USH2A: variants seen among roughly 807,000 people sequenced by gnomAD.
USH2A encodes the protein usherin.
Under a neutral mutation model 538.9 loss-of-function variants are expected in USH2A, and 443 were observed. The observed-to-expected ratio is 0.82, with a 90% CI of 0.76 to 0.89. The LOEUF is 0.89. USH2A is among the 40% of genes least tolerant of loss of function. The pLI is 0.00. For missense variants in USH2A, 6,633 were observed against 6,324.8 expected, an observed-to-expected ratio of 1.05 and a Z score of -1.65; for synonymous variants, 2,413 against 2,273.5, an observed-to-expected ratio of 1.06 and a Z score of -1.75.
intron 47 of USH2A, among the ~76,000 whole-genome samples, chr1:215,821,228 T>C (rs1418778040): frequency 6.6e-6 from 1 of 151,818 alleles, no homozygotes; most frequent in Non-Finnish European, 1.5e-5. Flanking sequence ...AGTTCCCCTT[T>C]CTCCACATCT....
intron 55 of USH2A, among the ~76,000 whole-genome samples, chr1:215,767,442 T>C (rs1661163785): frequency 6.6e-6 from 1 of 152,194 alleles, no homozygotes; most frequent in South Asian, 2.1e-4. Flanking sequence ...CACTTTTGTT[T>C]TTAAACCTTG....
In USH2A at chr1:215,674,258, G is replaced by T. The variant is rs1235765865; in HGVS notation, c.13653C>A (p.Asn4551Lys). 2 of 1,614,150 alleles carry T rather than the reference G, an allele frequency of 1.2e-6. No individual in the cohort carries two copies. The highest frequency in any genetic ancestry group is 1.7e-5 in the Admixed American group (1 of 60,014). ...CATTTGTTCTCACTGGAGGGTCCCA[G>T]TTCACTAAGATCTCCTGAGGACCCC... The part of the protein sequence containing the change: ...QARGPQEILV[N>K]WDPPVRTNGD... The change falls in exon 63 of 72, where the codon AAC (asparagine) becomes AAA (lysine). Residue 4551 changes from asparagine (N) to lysine (K), a missense_variant. Transcript: ENST00000307340.
intron 42 of USH2A, 64 bp from the exon 43 acceptor site, chr1:215,877,944 C>G (rs1448141263): frequency 6.2e-7 from 1 of 1,609,464 alleles, no homozygotes; most frequent in Admixed American, 1.7e-5. Context: ...TACCAAAACT[C>G]AGGCTGTTCT....
At chr1:216,073,075 A>G (rs1197241283) in intron 28 of USH2A, 22 bp downstream of exon 28, 1 of 1,613,740 alleles carries the variant, frequency 6.2e-7, no homozygotes, top group East Asian at 2.2e-5. Flanking sequence ...GTAACATTTA[A>G]TTTAGAGGAC....
chr1:215,856,919 A>G (rs1338196917), intron 44 of USH2A, among the ~76,000 whole-genome samples: 1 of 151,798 alleles, frequency 6.6e-6, no homozygotes, highest in Non-Finnish European at 1.5e-5. Context: ...ATTTGCAGAA[A>G]CCTTGATGGA....
intron 1 of USH2A, 28 bp from the exon 2 acceptor site, chr1:216,422,568 G>A (rs1571806316): frequency 1.9e-6 from 1 of 537,574 alleles, no homozygotes; most frequent in East Asian, 3.6e-5. Flanking sequence ...AGGGCGTCAA[G>A]GGAAAGCTGC....
At chr1:216,154,032 T>C (rs1387155802) in intron 21 of USH2A, among the ~76,000 whole-genome samples, 1 of 152,210 alleles carries the variant, frequency 6.6e-6, no homozygotes, top group Non-Finnish European at 1.5e-5. Flanking sequence ...ACGGATTATA[T>C]AAGCTATGAA....
chr1:215,736,410 C>T (rs2797258), intron 60 of USH2A, among the ~76,000 whole-genome samples: 24,302 of 151,892 alleles, frequency 0.16, 2,110 homozygotes, highest in Non-Finnish European at 0.17. Context: ...AAAATGAACC[C>T]GATGCACATA....
chr1:216,370,152 A>C (rs112771480), intron 3 of USH2A, among the ~76,000 whole-genome samples: 2,708 of 152,072 alleles, frequency 0.018, 79 homozygotes, highest in African/African-American at 0.063. Context: ...TGAGGTGAAA[A>C]GTTCTAGACC....
At chr1:215,714,361 T>A (rs911779265) in intron 61 of USH2A, among the ~76,000 whole-genome samples, 4 of 152,162 alleles carry the variant, frequency 2.6e-5, no homozygotes, top group Non-Finnish European at 5.9e-5. Context: ...AACTTTTCAC[T>A]TAAGACCAGA....
intron 4 of USH2A, among the ~76,000 whole-genome samples, chr1:216,344,616 GA>G (rs1329889179): frequency 6.6e-6 from 1 of 151,982 alleles, no homozygotes; most frequent in Non-Finnish European, 1.5e-5. Context: ...AAAGGAAATA[GA>G]CTTCAGCACT....
chr1:215,695,328 CA>C (rs1176548714), intron 61 of USH2A, among the ~76,000 whole-genome samples: 30 of 152,010 alleles, frequency 2.0e-4, no homozygotes, highest in Admixed American at 2.0e-3. Flanking sequence ...TATTTGTTAC[CA>C]GAGCCTATCC....
chr1:215,674,227 T>C lies in USH2A; in HGVS notation c.13684A>G (p.Ile4562Val), dbSNP rs1427845684. Residue 4562 changes from isoleucine (I) to valine (V), a missense_variant, in exon 63 of 72, where the codon ATC becomes GTC. Transcript: ENST00000307340. ...CGGATGAAGAGGGTATAATTGATGA[T>C]ATCACCATTTGTTCTCACTGGAGGG... ...WDPPVRTNGD[I>V]INYTLFIREL... 6.8e-6 allele frequency: 11 copies of C among 1,614,044 alleles called. No homozygotes were observed. In the Admixed American group the frequency reaches 1.5e-4, roughly 22 times the overall value.
At chr1:216,246,361 C>T (rs1015776092) in intron 13 of USH2A, among the ~76,000 whole-genome samples, 12 of 152,082 alleles carry the variant, frequency 7.9e-5, no homozygotes, top group Non-Finnish European at 1.2e-4. Context: ...TAAATCCGAT[C>T]GGCTGAGTTT....
intron 12 of USH2A, among the ~76,000 whole-genome samples, chr1:216,250,382 T>C (rs982496480): frequency 3.9e-5 from 6 of 152,182 alleles, no homozygotes; most frequent in Non-Finnish European, 8.8e-5. Context: ...GCAATATACA[T>C]GATCTGTAGA....
At chr1:216,195,109 T>A (rs192693409) in intron 19 of USH2A, among the ~76,000 whole-genome samples, 22 of 152,268 alleles carry the variant, frequency 1.4e-4, no homozygotes, top group Middle Eastern at 3.4e-3. Context: ...CATCTGGTCA[T>A]GGAACACCAA....
At chr1:215,862,518 C>G (rs2102436298) in intron 44 of USH2A, among the ~76,000 whole-genome samples, 1 of 152,226 alleles carries the variant, frequency 6.6e-6, no homozygotes, top group Non-Finnish European at 1.5e-5. Flanking sequence ...ACATATGTAA[C>G]AAACCTGCAC....
intron 21 of USH2A, among the ~76,000 whole-genome samples, chr1:216,157,139 T>C (rs911336013): frequency 6.6e-6 from 1 of 152,092 alleles, no homozygotes; most frequent in East Asian, 1.9e-4. Flanking sequence ...CCCAAAGTGC[T>C]GGATTACAGG....
At position 215,675,535 on chromosome 1, in the gene USH2A, T is replaced by C; in HGVS notation, c.12376A>G (p.Thr4126Ala). Residue 4126 changes from threonine to alanine, a missense_variant, in exon 63 of 72, where the codon ACT becomes GCT. By Grantham distance (58) the Thr-to-Ala change is moderately conservative. Transcript: ENST00000307340. ...QFLFRRLDPF[T>A]LYTLTLEACT... The stretch of plus-strand genomic sequence containing the variant: ...GCCTCCAGGGTCAGTGTGTAGAGAG[T>C]GAAAGGATCCAGGCGGCGGAAGAGA... The C allele has an allele frequency of 6.2e-7, 1 of 1,613,686 alleles. No individual in the cohort carries two copies.
Sources: allele counts gnomAD v4.1 joint callset (sites outside exome capture counted in the v4.1 genomes callset), GRCh38; gene constraint gnomAD v4.1.1; transcripts MANE v1.5; gene names NCBI Gene and HGNC (gene_info 2026-07-23, HGNC 2026-07-21).